The following PCDHA1 variants were observed in gnomAD, a reference collection of about 807,000 sequenced individuals.
PCDHA1 encodes protocadherin alpha-1.
A neutral mutation model predicts 61.3 loss-of-function variants in PCDHA1; 42 were observed. That is an observed-to-expected ratio of 0.69 (90% CI 0.54 to 0.89). The LOEUF (loss-of-function observed/expected upper bound fraction) is 0.89, where lower values mean the gene tolerates loss of function less well. Among genes scored for constraint, PCDHA1 ranks in the 40% least tolerant of loss-of-function variants. The pLI is 0.00. For missense variants in PCDHA1, 1,256 were observed against 1,235.3 expected, an observed-to-expected ratio of 1.02 and a Z score of -0.25; for synonymous variants, 610 against 553.8, an observed-to-expected ratio of 1.10 and a Z score of -1.43.
In PCDHA1 at chr5:140,886,687, A is replaced by G. The variant is rs553566283; in HGVS notation, c.2395-92262A>G. On this transcript the variant is annotated intron_variant, in intron 1 of 3. Coordinates refer to ENST00000504120, the MANE Select transcript of PCDHA1 (RefSeq NM_018900.4). The stretch of plus-strand genomic sequence containing the variant: ...CTAAAAATACAAAAATTAGCGAGGC[A>G]TGGTGGCACGCGCCTGTAATCCCAG... Among the ~76,000 whole-genome samples, 418 of 152,114 alleles carry G rather than the reference A, an allele frequency of 2.7e-3. 2 individuals are homozygous for G. Among genetic ancestry groups the G allele is most frequent in the Middle Eastern group, 0.014 (4 of 294 alleles).
intron 1 of PCDHA1, chr5:140,877,379 TC>T (rs1169435329): frequency 1.9e-6 from 3 of 1,613,950 alleles, no homozygotes. Flanking sequence ...ACGACACGCA[TC>T]CTGGATGAGG....
chr5:140,824,056 G>A, intron 1 of PCDHA1: 2 of 1,614,176 alleles, frequency 1.2e-6, no homozygotes, highest in Non-Finnish European at 1.7e-6. Flanking sequence ...GTGCTCTGGG[G>A]AAGCTCCACC....
chr5:140,902,209 T>C (rs1583451921), intron 1 of PCDHA1, among the ~76,000 whole-genome samples: 2 of 150,148 alleles, frequency 1.3e-5, no homozygotes, highest in African/African-American at 4.9e-5. Context: ...CTTTCTTTTT[T>C]TTTTTTTTTT....
chr5:140,969,348 G>A, intron 1 of PCDHA1: 5 of 1,613,304 alleles, frequency 3.1e-6, no homozygotes, highest in Non-Finnish European at 4.2e-6. Flanking sequence ...CAGTGGTCAG[G>A]GGGTCTTCTA....
intron 1 of PCDHA1, chr5:140,805,335 G>T (rs1763546103): frequency 8.1e-7 from 1 of 1,231,160 alleles, no homozygotes; most frequent in Non-Finnish European, 1.0e-6. Flanking sequence ...TGATGTCAAT[G>T]ATCATTTTGT....
At chr5:140,815,532 T>TACACTA (rs1562243834) in intron 1 of PCDHA1, 1 of 151,194 alleles carries the variant, frequency 6.6e-6, no homozygotes, top group African/African-American at 2.4e-5. Context: ...ATATTGTGTA[T>TACACTA]ACATTATTTT....
At chr5:140,966,900 G>A (rs376213042) in intron 1 of PCDHA1, 1 of 1,598,684 alleles carries the variant, frequency 6.3e-7, no homozygotes, top group Non-Finnish European at 8.5e-7. Flanking sequence ...TCCCAGCTGC[G>A]ATACTCTGTG....
At chr5:140,842,950 G>A (rs2150348605) in intron 1 of PCDHA1, 1 of 1,594,728 alleles carries the variant, frequency 6.3e-7, no homozygotes, top group East Asian at 2.2e-5. Context: ...CGGGCGTGCC[G>A]CCTCTGGGCA....
chr5:140,915,634 CT>C (rs782528552), intron 1 of PCDHA1, among the ~76,000 whole-genome samples: 9 of 150,114 alleles, frequency 6.0e-5, no homozygotes, highest in Non-Finnish European at 1.3e-4. Context: ...CTGTCTCTCT[CT>C]CTCTCTCTCT....
chr5:140,848,370 C>G, intron 1 of PCDHA1: 1 of 1,125,286 alleles, frequency 8.9e-7, no homozygotes, highest in Non-Finnish European at 1.3e-6. Flanking sequence ...GAAAGAGGCT[C>G]AATTCTTTTT....
chr5:140,913,569 A>G (rs1554195984), intron 1 of PCDHA1, among the ~76,000 whole-genome samples: 1 of 151,952 alleles, frequency 6.6e-6, no homozygotes, highest in Non-Finnish European at 1.5e-5. Flanking sequence ...TATTTTCATC[A>G]TTTCAAATAT....
chr5:140,855,744 T>C, intron 1 of PCDHA1: 1 of 316,692 alleles, frequency 3.2e-6, no homozygotes, highest in Non-Finnish European at 5.8e-6. Context: ...AGACGTAATG[T>C]GAGGCTTTGA....
At chr5:140,871,719 T>C in intron 1 of PCDHA1, 1 of 783,566 alleles carries the variant, frequency 1.3e-6, no homozygotes, top group Non-Finnish European at 1.9e-6. Context: ...CCTATTTCTC[T>C]TAATATTTGG....
intron 1 of PCDHA1, chr5:140,830,400 T>C (rs2150186085): frequency 1.1e-5 from 18 of 1,614,068 alleles, no homozygotes; most frequent in Non-Finnish European, 8.5e-7. Flanking sequence ...ATGGATCTCA[T>C]GGCCTTTAGC....
intron 2 of PCDHA1, 71 bp downstream of exon 2, chr5:140,979,078 A>C (rs2240296): frequency 3.8e-6 from 6 of 1,583,342 alleles, no homozygotes; most frequent in South Asian, 1.1e-5. Flanking sequence ...CTGCATCTCC[A>C]TAGGCCAGAA....
rs1022603902 is a variant in PCDHA1, at chr5:140,840,855, G to A, written c.2394+52171G>A. 5.9e-5 allele frequency among the ~76,000 whole-genome samples: 9 copies of A among 151,892 alleles called. 1 individual carries two copies. Among genetic ancestry groups the A allele is most frequent in the African/African-American group, 2.2e-4 (9 of 41,294 alleles). Reference sequence around the variant, plus strand: ...AAATATTAATGCATTTCTTCCACACGAAACTATGGAGGACAGTTTACATTT... The same window carrying A: ...AAATATTAATGCATTTCTTCCACACAAAACTATGGAGGACAGTTTACATTT... On this transcript the variant is annotated intron_variant, in intron 1 of 3. Transcript: ENST00000504120.
chr5:140,826,024 G>C (rs1338983060), intron 1 of PCDHA1, among the ~76,000 whole-genome samples: 1 of 152,162 alleles, frequency 6.6e-6, no homozygotes, highest in Non-Finnish European at 1.5e-5. Context: ...GATAAAATGT[G>C]AATTCCCTAT....
intron 1 of PCDHA1, among the ~76,000 whole-genome samples, chr5:140,826,639 T>C (rs1554130613): frequency 6.6e-6 from 1 of 152,114 alleles, no homozygotes; most frequent in African/African-American, 2.4e-5. Context: ...GACTTTTATA[T>C]GAAGGTAACA....
intron 3 of PCDHA1, among the ~76,000 whole-genome samples, chr5:140,984,667 T>A (rs1554246463): frequency 6.6e-6 from 1 of 152,160 alleles, no homozygotes; most frequent in Non-Finnish European, 1.5e-5. Flanking sequence ...TACTTTTAGG[T>A]TTTTAGGACT....
Sources: gnomAD v4.1 joint callset for allele counts (sites outside exome capture counted in the v4.1 genomes callset) on GRCh38, gnomAD v4.1.1 for gene constraint, MANE v1.5 for transcripts, NCBI Gene and HGNC (gene_info 2026-07-23, HGNC 2026-07-21) for gene names.